SIGLEC5: variants seen among roughly 807,000 people sequenced by gnomAD.
The protein encoded by SIGLEC5 is sialic acid binding Ig like lectin 5, also known as sialic acid-binding Ig-like lectin 5.
SIGLEC5 carries 34 observed loss-of-function variants against 45.9 expected under a neutral mutation model. The ratio of observed to expected loss-of-function variants is 0.74; its 90% CI spans 0.56 to 0.99. The LOEUF (loss-of-function observed/expected upper bound fraction) is 0.99. SIGLEC5 is among the 50% of genes least tolerant of loss of function. SIGLEC5 has a pLI of 0.00. For synonymous variants in SIGLEC5, 203 were observed against 258.6 expected (o/e 0.79, Z 2.06); for missense variants, 508 against 629.6 (o/e 0.81, Z 2.07).
rs745689680 is a variant in SIGLEC5, at chr19:51,627,890, C to T, written c.941G>A (p.Cys314Tyr). 4 of 1,613,328 alleles carry T rather than the reference C, an allele frequency of 2.5e-6. No individual in the cohort carries two copies. The East Asian group carries it at 6.7e-5, about 27-fold the overall frequency. ...VRSAEEGGFT[C>Y]RAQHPLGFLQ... ...GAAGCCCAGCGGGTGCTGAGCGCGGCAGGTGAAGCCTCCTTCTTCTGCAGA... is the reference window on the plus strand; with the variant it reads ...GAAGCCCAGCGGGTGCTGAGCGCGGTAGGTGAAGCCTCCTTCTTCTGCAGA... Residue 314 changes from cysteine to tyrosine, a missense_variant, in exon 5 of 9, where the codon TGC becomes TAC. By Grantham distance (194) the Cys-to-Tyr change is radical. Coordinates refer to ENST00000683636, the MANE Select transcript of SIGLEC5 (RefSeq NM_003830.4).
Position 51,627,819 on chromosome 19 carries a change from T to G in SIGLEC5, c.997+15A>C, listed in dbSNP as rs200965348. 5 of 1,588,052 alleles carry G rather than the reference T, an allele frequency of 3.1e-6. No individual in the cohort carries two copies. In the Admixed American group the frequency reaches 7.0e-5, roughly 22 times the overall value. On this transcript the variant is annotated intron_variant, in intron 5 of 8. Coordinates refer to ENST00000683636, the MANE Select transcript of SIGLEC5 (RefSeq NM_003830.4). ...AATACCATGCAGTTCCTGCTCCAGC[T>G]GCCCCCACACTCACAGTAAACTGAG...
chr19:51,612,926 G>A (rs181328320), intron 8 of SIGLEC5, among the ~76,000 whole-genome samples: 18 of 152,214 alleles, frequency 1.2e-4, no homozygotes, highest in Admixed American at 3.3e-4. Flanking sequence ...GAGCACTTGC[G>A]TCCTGGTCAG....
chr19:51,617,955 T>C (rs1032584211), intron 8 of SIGLEC5, among the ~76,000 whole-genome samples: 10 of 151,684 alleles, frequency 6.6e-5, no homozygotes, highest in African/African-American at 2.4e-4. Flanking sequence ...TTGTTAGATG[T>C]AAGACAGAGA....
At chr19:51,618,254 A>G (rs532852501) in intron 8 of SIGLEC5, among the ~76,000 whole-genome samples, 1 of 152,084 alleles carries the variant, frequency 6.6e-6, no homozygotes, top group East Asian at 1.9e-4. Flanking sequence ...GTCAAATTGG[A>G]TTTTTTAAAA....
chr19:51,625,964 A>G, intron 8 of SIGLEC5, 68 bp downstream of exon 8: 1 of 1,278,780 alleles, frequency 7.8e-7, no homozygotes, highest in Non-Finnish European at 1.1e-6. Flanking sequence ...GGTTTGGTGG[A>G]ATGCTGAAGA....
In SIGLEC5 at chr19:51,611,499, G is replaced by A. The variant is rs1982849192; in HGVS notation, c.*732C>T. Reference sequence around the variant, plus strand: ...AATGAATAGATAGCAGGGAGATCATGAAGGACTTTATGTGTCAGGGGAGAT... The same window carrying A: ...AATGAATAGATAGCAGGGAGATCATAAAGGACTTTATGTGTCAGGGGAGAT... On this transcript the variant is annotated 3_prime_UTR_variant, in exon 9 of 9. Coordinates refer to ENST00000683636, the MANE Select transcript of SIGLEC5 (RefSeq NM_003830.4). Among the ~76,000 whole-genome samples the A allele has an allele frequency of 6.6e-6, 1 of 152,238 alleles. No homozygotes were observed. The highest frequency in any genetic ancestry group is 2.1e-4 in the South Asian group (1 of 4,830).
In SIGLEC5 at chr19:51,628,234, C is replaced by T. The variant is rs1359820432; in HGVS notation, c.740-143G>A. 5.1e-6 allele frequency: 5 copies of T among 979,170 alleles called. No individual in the cohort carries two copies. In the East Asian group the frequency reaches 1.4e-4, roughly 28 times the overall value. The allele number at this position is 979,170 out of a possible 1,614,324, so 60.7% of individuals were successfully genotyped here. A position where few individuals can be genotyped will look rare whatever the true frequency, so the allele number is the denominator to read the frequency against. On this transcript the variant is annotated intron_variant, in intron 4 of 8. Coordinates refer to ENST00000683636, the MANE Select transcript of SIGLEC5 (RefSeq NM_003830.4). ...GCTTGATTGCATCCTGGTTCAAAGG[C>T]TGGGCCTTTGCACACTCAGGAAACT...
At chr19:51,628,275 AG>A (rs1983580997) in intron 4 of SIGLEC5, among the ~76,000 whole-genome samples, 184 bp from the exon 5 acceptor site, 1 of 152,158 alleles carries the variant, frequency 6.6e-6, no homozygotes, top group Admixed American at 6.5e-5. Flanking sequence ...AAAGTGTCTG[AG>A]TCTCATGTCT....
chr19:51,627,962 G>A lies in SIGLEC5; in HGVS notation c.869C>T (p.Ala290Val). ...SWFQGSPALN[A>V]TPISNTGILE... The stretch of plus-strand genomic sequence containing the variant: ...GATCCCGGTATTGGAGATGGGGGTG[G>A]CGTTCAGGGCAGGGGAGCCCTGGAA... Residue 290 changes from alanine to valine, a missense_variant, in exon 5 of 9, where the codon GCC becomes GTC. Ala to Val is a moderately conservative substitution (Grantham distance 64). This residue lies in a region of SIGLEC5 where 431 missense variants were observed against 428.8 expected (regional missense o/e 1.01). Transcript: ENST00000683636. The A allele has an allele frequency of 6.2e-7, 1 of 1,614,046 alleles. No individual in the cohort carries two copies. Among genetic ancestry groups the A allele is most frequent in the East Asian group, 2.2e-5 (1 of 44,882 alleles).
intron 8 of SIGLEC5, among the ~76,000 whole-genome samples, chr19:51,617,013 TG>T (rs1983089935): frequency 6.6e-6 from 1 of 151,450 alleles, no homozygotes; most frequent in Non-Finnish European, 1.5e-5. Flanking sequence ...GCCAGTACTT[TG>T]GGAGGCCGAG....
At position 51,629,379 on chromosome 19, in the gene SIGLEC5, T is replaced by C; in HGVS notation, c.679A>G (p.Thr227Ala). ...RQGAQVTTER[T>A]VQLNVSYAPQ... ...TCACAGGAGACATTGAGCTGGACAG[T>C]TCTCTCCGTGGTCACCTGAGCTCCT... Residue 227 changes from threonine (T) to alanine (A), a missense_variant, in exon 3 of 9, where the codon ACT (threonine) becomes GCT (alanine). Thr to Ala is a moderately conservative substitution (Grantham distance 58). Around this residue, in one of 2 missense-constraint regions of SIGLEC5, gnomAD observed 431 missense variants for 428.8 expected, o/e 1.01. Transcript: ENST00000683636. The C allele has an allele frequency of 6.2e-7, 1 of 1,613,524 alleles. No homozygotes were observed. Among genetic ancestry groups the C allele is most frequent in the South Asian group, 1.1e-5 (1 of 91,044 alleles).
intron 5 of SIGLEC5, 26 bp downstream of exon 5, chr19:51,627,808 C>T: frequency 6.3e-7 from 1 of 1,582,594 alleles, no homozygotes; most frequent in Non-Finnish European, 8.6e-7. Context: ...CCATGCAGTT[C>T]CTGCTCCAGC....
chr19:51,618,462 A>AAAAAAAC (rs1555787967), intron 8 of SIGLEC5, among the ~76,000 whole-genome samples: 7 of 150,156 alleles, frequency 4.7e-5, no homozygotes, highest in Non-Finnish European at 8.9e-5. Flanking sequence ...AAAAAAAAAA[A>AAAAAAAC]AAAAAACATC....
chr19:51,629,240 A>C, intron 3 of SIGLEC5, 118 bp downstream of exon 3: 1 of 1,556,504 alleles, frequency 6.4e-7, no homozygotes, highest in Non-Finnish European at 8.7e-7. Flanking sequence ...AAGGTTTCTC[A>C]AGTTATTGTT....
Position 51,627,456 on chromosome 19 carries a change from C to T in SIGLEC5, c.1282+6G>A, listed in dbSNP as rs371954393. ...GGCCCCTGCCCTCTGCAATACGCCC[C>T]CTGACCTTGCAGCAGCAGGACAGAG... On this transcript the variant is annotated splice_donor_region_variant and intron_variant, in intron 6 of 8. Coordinates refer to ENST00000683636, the MANE Select transcript of SIGLEC5 (RefSeq NM_003830.4). 1 of 1,609,828 alleles carries T rather than the reference C, an allele frequency of 6.2e-7. No homozygotes were observed. The highest frequency in any genetic ancestry group is 8.5e-7 in the Non-Finnish European group (1 of 1,177,582).
At chr19:51,620,433 T>C (rs1278773104) in intron 8 of SIGLEC5, among the ~76,000 whole-genome samples, 1 of 152,194 alleles carries the variant, frequency 6.6e-6, no homozygotes, top group Non-Finnish European at 1.5e-5. Context: ...AATATGGTTT[T>C]CTCCCAGGAA....
At chr19:51,628,765 TGC>T (rs1415700348) in intron 4 of SIGLEC5, among the ~76,000 whole-genome samples, 5 of 139,318 alleles carry the variant, frequency 3.6e-5, no homozygotes, top group African/African-American at 9.9e-5. Context: ...TGTGTGTATG[TGC>T]GTGTGTGTGT....
intron 8 of SIGLEC5, among the ~76,000 whole-genome samples, chr19:51,622,795 A>C (rs1448579731): frequency 5.3e-5 from 8 of 152,236 alleles, no homozygotes. Flanking sequence ...TCAAAAGAAA[A>C]GCATACTCTC....
intron 8 of SIGLEC5, among the ~76,000 whole-genome samples, chr19:51,613,791 G>T (rs1306336349): frequency 1.3e-5 from 2 of 151,998 alleles, no homozygotes; most frequent in African/African-American, 4.8e-5. Flanking sequence ...ACATGGCGAG[G>T]CCAGGATTCG....
Sources: allele counts gnomAD v4.1 joint callset (sites outside exome capture counted in the v4.1 genomes callset), GRCh38; gene constraint gnomAD v4.1.1; regional missense constraint gnomAD v4.1.1; transcripts MANE v1.5; gene names NCBI Gene and HGNC (gene_info 2026-07-23, HGNC 2026-07-21).